HERC6: variants seen among roughly 807,000 people sequenced by gnomAD.
The protein encoded by HERC6 is HECT and RLD domain containing E3 ubiquitin protein ligase family member 6, also known as probable E3 ubiquitin-protein ligase HERC6.
Under a neutral mutation model 114.5 loss-of-function variants are expected in HERC6, and 101 were observed. The observed-to-expected ratio is 0.88, with a 90% CI of 0.75 to 1.04. HERC6 has a LOEUF of 1.04. HERC6 is among the 50% of genes least tolerant of loss of function. The probability of loss-of-function intolerance (pLI) is 0.00; values close to 1 mark genes in which losing one functional copy is unlikely to be tolerated. For synonymous variants in HERC6, 408 were observed against 436.2 expected (o/e 0.94, Z 0.81); for missense variants, 1,133 against 1,230.9 (o/e 0.92, Z 1.19).
chr4:88,408,177 A>C (rs560365576), intron 10 of HERC6, among the ~76,000 whole-genome samples: 78 of 151,914 alleles, frequency 5.1e-4, no homozygotes, highest in Non-Finnish European at 9.1e-4. Context: ...GTAAATATGA[A>C]TGGTAAGGAG....
chr4:88,420,608 T>C (rs1736940757), intron 13 of HERC6, among the ~76,000 whole-genome samples: 1 of 152,162 alleles, frequency 6.6e-6, no homozygotes, highest in African/African-American at 2.4e-5. Flanking sequence ...TATGTGGTTA[T>C]ATATCTTTTT....
intron 17 of HERC6, 36 bp downstream of exon 17, chr4:88,431,341 G>A: frequency 6.4e-7 from 1 of 1,569,874 alleles, no homozygotes; most frequent in African/African-American, 1.4e-5. Context: ...CCCCAGAACA[G>A]AAAAGGCACC....
chr4:88,439,918 C>T lies in HERC6; in HGVS notation c.2600C>T (p.Ser867Phe), dbSNP rs1488182508. The T allele has an allele frequency of 1.9e-6, 3 of 1,575,694 alleles. No individual in the cohort carries two copies. The highest frequency in any genetic ancestry group is 2.6e-6 in the Non-Finnish European group (3 of 1,161,976). The change falls in exon 21 of 23, where the codon TCT (serine) becomes TTT (phenylalanine). Residue 867 changes from serine to phenylalanine, a missense_variant. By Grantham distance (155) the Ser-to-Phe change is radical. Around this residue, in one of 3 missense-constraint regions of HERC6, gnomAD observed 388 missense variants for 445.9 expected, o/e 0.87. Coordinates refer to ENST00000264346, the MANE Select transcript of HERC6 (RefSeq NM_017912.4). Reference sequence around the variant, plus strand: ...TATATTGATTACATTTTCAACGTCTCTGTAAAAGCAGTTTATGAGGAATTT... The same window carrying T: ...TATATTGATTACATTTTCAACGTCTTTGTAAAAGCAGTTTATGAGGAATTT... ...SKYIDYIFNV[S>F]VKAVYEEFQR...
chr4:88,393,515 G>A lies in HERC6; in HGVS notation c.692G>A (p.Gly231Asp), dbSNP rs749026447. Residue 231 changes from glycine (G) to aspartate (D), a missense_variant, in exon 5 of 23, where the codon GGT becomes GAT. By Grantham distance (94) the Gly-to-Asp change is moderately conservative. Around this residue, in one of 3 missense-constraint regions of HERC6, gnomAD observed 735 missense variants for 754.0 expected, o/e 0.97. Transcript: ENST00000264346. ...CAAAGCAACAAGCCTCTCTCAGTCG[G>A]TGCACTGAAGAATCTAGGTGTGGTT... is the stretch of plus-strand genomic sequence containing the variant. ...PVQSNKPLSV[G>D]ALKNLGVVYI... is the part of the protein sequence containing the mutation. The A allele has an allele frequency of 6.2e-7, 1 of 1,611,956 alleles. No individual in the cohort carries two copies. Among genetic ancestry groups the A allele is most frequent in the Admixed American group, 1.7e-5 (1 of 59,946 alleles).
rs574394307 is a variant in HERC6 at position 88,379,637 on chromosome 4, A to T, written c.199+517A>T. Among the ~76,000 whole-genome samples, 935 of 119,666 alleles carry T rather than the reference A, an allele frequency of 7.8e-3. 28 individuals carry two copies. The highest frequency in any genetic ancestry group is 0.027 in the African/African-American group (788 of 29,650). The allele number at this position is 119,666 out of a possible 152,430, so 78.5% of individuals were successfully genotyped here. On this transcript the variant is annotated intron_variant, in intron 1 of 22. Transcript: ENST00000264346. ...GGGCATTAAAAAATATATATATATA[A>T]AAATATATATATAAAATATATAAAT...
At chr4:88,397,043 T>C in intron 7 of HERC6, 56 bp downstream of exon 7, 1 of 1,505,676 alleles carries the variant, frequency 6.6e-7, no homozygotes, top group Non-Finnish European at 9.0e-7. Flanking sequence ...GGAAGAGAAC[T>C]AGTATTCAGC....
intron 12 of HERC6, among the ~76,000 whole-genome samples, chr4:88,413,991 G>A (rs944728607): frequency 6.6e-6 from 1 of 152,190 alleles, no homozygotes; most frequent in African/African-American, 2.4e-5. Flanking sequence ...GACAGATAAT[G>A]TAATTTCAGA....
intron 1 of HERC6, 135 bp downstream of exon 1, chr4:88,379,255 C>G: frequency 1.4e-6 from 1 of 693,954 alleles, no homozygotes; most frequent in Non-Finnish European, 2.3e-6. Flanking sequence ...GTGCAGGGAG[C>G]GGCTCAGATG....
chr4:88,423,078 T>G (rs1269065156), intron 13 of HERC6, among the ~76,000 whole-genome samples: 1 of 151,862 alleles, frequency 6.6e-6, no homozygotes, highest in Non-Finnish European at 1.5e-5. Context: ...TTGTTTTTTT[T>G]AAAGTCTTAC....
Position 88,413,282 on chromosome 4 carries a change from CTT to C in HERC6, c.1558+18_1558+19del. 1 of 1,595,814 alleles carries C rather than the reference CTT, an allele frequency of 6.3e-7. No homozygotes were observed. The highest frequency in any genetic ancestry group is 8.6e-7 in the Non-Finnish European group (1 of 1,166,758). ...CAAGTCCTAAGTAAGTTTTATGTCA[CTT>C]TATCTGTACTCTCAATATAGAGTCA... On this transcript the variant is annotated intron_variant, in intron 12 of 22. Coordinates refer to ENST00000264346, the MANE Select transcript of HERC6 (RefSeq NM_017912.4).
intron 19 of HERC6, 141 bp from the exon 20 acceptor site, chr4:88,437,570 G>T: frequency 1.6e-6 from 1 of 630,130 alleles, no homozygotes; most frequent in Non-Finnish European, 2.8e-6. Flanking sequence ...TATTTAAAAG[G>T]CTGAACTACA....
chr4:88,400,368 G>GT (rs550173657), intron 8 of HERC6, among the ~76,000 whole-genome samples: 19 of 151,312 alleles, frequency 1.3e-4, no homozygotes, highest in Admixed American at 6.6e-4. Context: ...TGCCCAGCTG[G>GT]TTTTTTTTTG....
intron 13 of HERC6, among the ~76,000 whole-genome samples, chr4:88,419,236 AC>A (rs982391215): frequency 4.0e-4 from 61 of 152,292 alleles, no homozygotes; most frequent in African/African-American, 1.4e-3. Context: ...TTTGGTGTCC[AC>A]GTTCTCTATG....
chr4:88,440,237 GA>G lies in HERC6; in HGVS notation c.2835del (p.Lys945AsnfsTer22). 1.3e-6 allele frequency: 2 copies of G among 1,575,260 alleles called. No homozygotes were observed. On this transcript the variant is annotated frameshift_variant, in exon 22 of 23. Coordinates refer to ENST00000264346, the MANE Select transcript of HERC6 (RefSeq NM_017912.4). LOFTEE classifies it low-confidence loss of function (END_TRUNC). The stretch of plus-strand genomic sequence containing the variant: ...TCCACAAACTAACCTTGGATGAAAA[GA>G]AAAAATTCCTCTGTAAGTACTGTGG... ...AFHKLTLDEKKKFLFFLTGRD... is the reference protein window; with the variant it reads ...AFHKLTLDEKXKFLFFLTGRD...
In HERC6 at chr4:88,393,554, G is replaced by T; in HGVS notation, c.731G>T (p.Gly244Val). 1 of 1,612,024 alleles carries T rather than the reference G, an allele frequency of 6.2e-7. No individual in the cohort carries two copies. Among genetic ancestry groups the T allele is most frequent in the Non-Finnish European group, 8.5e-7 (1 of 1,178,598 alleles). The change falls in exon 5 of 23, where the codon GGT becomes GTT. Residue 244 changes from glycine (G) to valine (V), a missense_variant. Coordinates refer to ENST00000264346, the MANE Select transcript of HERC6 (RefSeq NM_017912.4). ...CTAGGTGTGGTTTATATCAGCTGTG[G>T]TGATGCACACACTGCGGTGCTTACC... Reference protein sequence around the residue: ...KNLGVVYISCGDAHTAVLTQD... With the variant: ...KNLGVVYISCVDAHTAVLTQD...
At chr4:88,413,382 A>T in intron 12 of HERC6, 116 bp downstream of exon 12, 2 of 661,938 alleles carry the variant, frequency 3.0e-6, no homozygotes, top group East Asian at 5.7e-5. Context: ...AGAACATGGC[A>T]TGTAAATTAT....
intron 14 of HERC6, 117 bp downstream of exon 14, chr4:88,424,090 T>G (rs1737346011): frequency 5.3e-6 from 3 of 564,532 alleles, no homozygotes. Context: ...TTAATTGCAA[T>G]GATAAATTTG....
At chr4:88,382,235 C>G (rs1734362690) in intron 1 of HERC6, among the ~76,000 whole-genome samples, 1 of 152,164 alleles carries the variant, frequency 6.6e-6, no homozygotes, top group Non-Finnish European at 1.5e-5. Flanking sequence ...GTTCTCAACT[C>G]CAAACCTCTA....
At position 88,396,011 on chromosome 4, in the gene HERC6, G is replaced by C; in HGVS notation, c.760-4G>C. The C allele has an allele frequency of 6.3e-7, 1 of 1,578,424 alleles. No individual in the cohort carries two copies. Among genetic ancestry groups the C allele is most frequent in the Non-Finnish European group, 8.6e-7 (1 of 1,164,284 alleles). On this transcript the variant is annotated splice_polypyrimidine_tract_variant and splice_region_variant and intron_variant, in intron 5 of 22. Coordinates refer to ENST00000264346, the MANE Select transcript of HERC6 (RefSeq NM_017912.4). ...ATTAATTTGATTCTTCCTTTGCTAA[G>C]CAGGACGGGAAAGTGTTCACATTTG... is the stretch of plus-strand genomic sequence containing the variant.
Sources: allele counts gnomAD v4.1 joint callset (sites outside exome capture counted in the v4.1 genomes callset), GRCh38; gene constraint gnomAD v4.1.1; regional missense constraint gnomAD v4.1.1; transcripts MANE v1.5; gene names NCBI Gene and HGNC (gene_info 2026-07-23, HGNC 2026-07-21).